Variants in EYS observed in about 807,000 individuals in gnomAD.
EYS encodes EGF-like photoreceptor maintenance factor.
A neutral mutation model predicts 282.1 loss-of-function variants in EYS; 250 were observed. That is an observed-to-expected ratio of 0.89 (90% CI 0.80 to 0.98). The LOEUF (loss-of-function observed/expected upper bound fraction) is 0.98, where lower values mean the gene tolerates loss of function less well. Among genes scored for constraint, EYS ranks in the 50% least tolerant of loss-of-function variants. The pLI, the probability that EYS is intolerant of heterozygous loss-of-function variation, is 0.00. For missense variants in EYS, 4,016 were observed against 3,709.0 expected, an observed-to-expected ratio of 1.08 and a Z score of -2.15; for synonymous variants, 1,355 against 1,282.9, an observed-to-expected ratio of 1.06 and a Z score of -1.20.
intron 2 of EYS, among the ~76,000 whole-genome samples, chr6:65,627,586 G>A (rs573462239): frequency 3.9e-5 from 6 of 152,234 alleles, no homozygotes; most frequent in East Asian, 1.9e-4. Context: ...CTGGAGTTCC[G>A]GGTCAGCTGG....
At chr6:64,549,733 CTT>C (rs10534314) in intron 26 of EYS, among the ~76,000 whole-genome samples, 32,406 of 140,600 alleles carry the variant, frequency 0.23, 3,664 homozygotes, top group Admixed American at 0.31. Flanking sequence ...CACATGAAAT[CTT>C]TTTTTTTTTT....
chr6:63,857,015 C>A (rs1772411181), intron 36 of EYS, among the ~76,000 whole-genome samples: 1 of 152,094 alleles, frequency 6.6e-6, no homozygotes, highest in African/African-American at 2.4e-5. Context: ...TATTAAAAAG[C>A]AGAGGTTTAA....
rs3042964 is a variant in EYS, at chr6:65,274,909, GGAGA to G, written c.2023+20950_2023+20953del. Among the ~76,000 whole-genome samples the G allele has an allele frequency of 1.3e-3, 197 of 148,294 alleles. 3 individuals carry two copies. The highest frequency in any genetic ancestry group is 3.2e-3 in the East Asian group (16 of 4,972). ...GGTTCCTCCTACAGCCAAAAAAAAA[GGAGA>G]GAGAGAGAGAGAGAGAGAGAGACAA... On this transcript the variant is annotated intron_variant, in intron 12 of 42. Transcript: ENST00000503581.
At chr6:63,922,652 A>AAATGT (rs1764605898) in intron 35 of EYS, among the ~76,000 whole-genome samples, 1 of 152,208 alleles carries the variant, frequency 6.6e-6, no homozygotes, top group Non-Finnish European at 1.5e-5. Context: ...ATAAAAATAA[A>AAATGT]AATGTAACTT....
At chr6:64,550,580 T>C (rs550698082) in intron 26 of EYS, among the ~76,000 whole-genome samples, 515 of 152,258 alleles carry the variant, frequency 3.4e-3, no homozygotes, top group Non-Finnish European at 5.5e-3. Context: ...TCACCACTCT[T>C]ATTCAACATA....
chr6:63,720,489 C>T lies in EYS; in HGVS notation c.*107G>A. ...AGATATGTTAGCATTTAGACTATTT[C>T]AGGTAATATAGTAAACAGTTGATTC... On this transcript the variant is annotated 3_prime_UTR_variant, in exon 43 of 43. Transcript: ENST00000503581. 1.3e-6 allele frequency: 1 copy of T among 754,098 alleles called. No homozygotes were observed. Among genetic ancestry groups the T allele is most frequent in the Non-Finnish European group, 2.0e-6 (1 of 491,806 alleles). 46.7% of individuals were successfully genotyped at this position (754,098 alleles called of 1,614,324 possible). A position where few individuals can be genotyped will look rare whatever the true frequency, so the allele number is the denominator to read the frequency against.
intron 35 of EYS, among the ~76,000 whole-genome samples, chr6:63,937,134 T>C (rs1765081793): frequency 6.6e-6 from 1 of 152,008 alleles, no homozygotes; most frequent in Non-Finnish European, 1.5e-5. Context: ...AACCCCTAAA[T>C]ACTAGACAAT....
chr6:64,453,852 T>A (rs905987383), intron 26 of EYS, among the ~76,000 whole-genome samples: 4 of 152,020 alleles, frequency 2.6e-5, no homozygotes, highest in African/African-American at 9.7e-5. Context: ...CACCGGGGAC[T>A]GTTGTGGCGT....
At chr6:64,214,783 G>A (rs1765881180) in intron 31 of EYS, among the ~76,000 whole-genome samples, 1 of 151,916 alleles carries the variant, frequency 6.6e-6, no homozygotes, top group Admixed American at 6.6e-5. Context: ...TTTATGTTAT[G>A]GAATTTATTA....
At chr6:65,283,794 G>T (rs553418069) in intron 12 of EYS, among the ~76,000 whole-genome samples, 3 of 151,724 alleles carry the variant, frequency 2.0e-5, no homozygotes, top group Non-Finnish European at 4.4e-5. Context: ...ATACTTTTCA[G>T]TGTCAATATT....
intron 35 of EYS, among the ~76,000 whole-genome samples, chr6:63,980,535 AAC>A (rs1184819879): frequency 6.6e-6 from 1 of 151,860 alleles, no homozygotes; most frequent in Non-Finnish European, 1.5e-5. Context: ...TCTGAACATA[AAC>A]AGTCTATTAC....
rs1271145671 is a variant in EYS at position 65,435,606 on chromosome 6, C to T, written c.863-30239G>A. Among the ~76,000 whole-genome samples, 3 of 151,946 alleles carry T rather than the reference C, an allele frequency of 2.0e-5. No individual in the cohort carries two copies. In the East Asian group the frequency reaches 5.8e-4, roughly 29 times the overall value. Reference sequence around the variant, plus strand: ...TGGAATCCTCCTTTATTATTTTCTACAAGTGCATGTGAATCTACAATTATC... The same window carrying T: ...TGGAATCCTCCTTTATTATTTTCTATAAGTGCATGTGAATCTACAATTATC... On this transcript the variant is annotated intron_variant, in intron 5 of 42. Transcript: ENST00000503581.
intron 29 of EYS, among the ~76,000 whole-genome samples, chr6:64,354,637 A>T (rs541389394): frequency 1.3e-5 from 2 of 151,720 alleles, no homozygotes; most frequent in South Asian, 4.1e-4. Flanking sequence ...TGCTATTCTG[A>T]AATTTCCCAG....
At chr6:65,459,968 TTATATATATATATATATATA>T (rs34762215) in intron 5 of EYS, among the ~76,000 whole-genome samples, 48 of 80,660 alleles carry the variant, frequency 6.0e-4, no homozygotes, top group East Asian at 3.2e-3. Flanking sequence ...TTTGTGTATT[TTATATATATATATATATATA>T]TATATATATA....
At chr6:64,948,610 T>A (rs556923498) in intron 14 of EYS, among the ~76,000 whole-genome samples, 1 of 147,048 alleles carries the variant, frequency 6.8e-6, no homozygotes, top group Non-Finnish European at 1.5e-5. Flanking sequence ...TTAAATAATA[T>A]TAAATAATAG....
chr6:65,341,603 T>C (rs1770202413), intron 10 of EYS, among the ~76,000 whole-genome samples: 1 of 151,262 alleles, frequency 6.6e-6, no homozygotes, highest in Non-Finnish European at 1.5e-5. Context: ...TTCATGCTTC[T>C]GGGATTAAGA....
chr6:64,225,614 C>T (rs940099566), intron 31 of EYS, among the ~76,000 whole-genome samples: 1 of 152,060 alleles, frequency 6.6e-6, no homozygotes, highest in South Asian at 2.1e-4. Flanking sequence ...CAAGGAAATG[C>T]ATTCTCCCTT....
intron 26 of EYS, among the ~76,000 whole-genome samples, chr6:64,567,740 T>C (rs1487857029): frequency 2.0e-5 from 3 of 152,200 alleles, no homozygotes; most frequent in African/African-American, 7.2e-5. Flanking sequence ...GTAAGAATTT[T>C]GCATAAAAAT....
At chr6:64,593,837 T>C (rs73455457) in intron 24 of EYS, among the ~76,000 whole-genome samples, 1 of 152,176 alleles carries the variant, frequency 6.6e-6, no homozygotes, top group East Asian at 1.9e-4. Context: ...ATTTCTACCA[T>C]ATCCTATAAA....
Sources: allele counts gnomAD v4.1 joint callset (sites outside exome capture counted in the v4.1 genomes callset), GRCh38; gene constraint gnomAD v4.1.1; transcripts MANE v1.5; gene names NCBI Gene and HGNC (gene_info 2026-07-23, HGNC 2026-07-21).